The following ACYP2 variants were observed in gnomAD, a reference collection of about 807,000 sequenced individuals.
ACYP2 encodes acylphosphatase-2.
Under a neutral mutation model 11.2 loss-of-function variants are expected in ACYP2, and 12 were observed. The observed-to-expected ratio is 1.08, with a 90% CI of 0.69 to 1.74. ACYP2 has a LOEUF of 1.74. ACYP2 is among the 40% of genes most tolerant of loss of function. The probability of loss-of-function intolerance (pLI) is 0.00; values close to 1 mark genes in which losing one functional copy is unlikely to be tolerated. For missense variants in ACYP2, 134 were observed against 101.9 expected, an observed-to-expected ratio of 1.31 and a Z score of -1.35; for synonymous variants, 43 against 32.2, an observed-to-expected ratio of 1.33 and a Z score of -1.13.
intron 4 of ACYP2, among the ~76,000 whole-genome samples, chr2:54,103,413 C>A (rs1461682374): frequency 4.6e-5 from 7 of 152,142 alleles, no homozygotes; most frequent in African/African-American, 1.7e-4. Flanking sequence ...AACATCTTAA[C>A]CTTGGTCTTA....
chr2:53,973,797 G>C lies in ACYP2; in HGVS notation c.49G>C (p.Glu17Gln), dbSNP rs1230330956. The change falls in exon 2 of 7, where the codon GAG becomes CAG. Residue 17 changes from glutamate (E) to glutamine (Q), a missense_variant. Glu to Gln is a conservative substitution (Grantham distance 29, BLOSUM62 2). Transcript: ENST00000607452. ...TGGTGGTCTCTTCCCACGGACGCGCGAGACAATGAGGAGGTACTTGGAATA... is the reference window on the plus strand; with the variant it reads ...TGGTGGTCTCTTCCCACGGACGCGCCAGACAATGAGGAGGTACTTGGAATA... 3.0e-6 allele frequency: 1 copy of C among 329,592 alleles called. No homozygotes were observed. The highest frequency in any genetic ancestry group is 2.2e-5 in the African/African-American group (1 of 46,452). 20.4% of individuals were successfully genotyped at this position (329,592 alleles called of 1,614,324 possible).
chr2:54,082,497 CG>C (rs1677718751), intron 4 of ACYP2: 1 of 152,202 alleles, frequency 6.6e-6, no homozygotes, highest in South Asian at 2.1e-4. Flanking sequence ...GTCCCTGCCT[CG>C]GCCTCCCAAA....
Position 54,177,044 on chromosome 2 carries a change from A to G in ACYP2, c.404+38296A>G, listed in dbSNP as rs189934025. On this transcript the variant is annotated intron_variant, in intron 6 of 6. Coordinates refer to ENST00000607452, the MANE Select transcript of ACYP2 (RefSeq NM_001320586.2). ...TGTGCTAGGGAACCTGACCTATGACATATACAGATTTAGAGATTTGGGATT... is the reference window on the plus strand; with the variant it reads ...TGTGCTAGGGAACCTGACCTATGACGTATACAGATTTAGAGATTTGGGATT... 6.6e-5 allele frequency among the ~76,000 whole-genome samples: 10 copies of G among 152,298 alleles called. No individual in the cohort carries two copies. The East Asian group carries it at 1.5e-3, about 23-fold the overall frequency.
At chr2:54,130,368 G>A (rs1477183930) in intron 4 of ACYP2, among the ~76,000 whole-genome samples, 1 of 152,170 alleles carries the variant, frequency 6.6e-6, no homozygotes, top group African/African-American at 2.4e-5. Context: ...AATGGGGTGA[G>A]TAAAGAGGAG....
intron 4 of ACYP2, among the ~76,000 whole-genome samples, chr2:54,121,137 A>C (rs1421354664): frequency 2.0e-5 from 3 of 152,208 alleles, no homozygotes; most frequent in African/African-American, 4.8e-5. Flanking sequence ...GACACTGGAG[A>C]GTGAACAAGG....
chr2:53,977,868 C>CT (rs1332038540), intron 2 of ACYP2, among the ~76,000 whole-genome samples: 2 of 152,010 alleles, frequency 1.3e-5, no homozygotes, highest in African/African-American at 4.8e-5. Flanking sequence ...TGGAGATTTC[C>CT]TTTTTTTGTG....
chr2:54,123,505 T>C lies in ACYP2; in HGVS notation c.278-11948T>C. 7.5e-6 allele frequency: 3 copies of C among 398,412 alleles called. No homozygotes were observed. In the East Asian group the frequency reaches 1.1e-4, roughly 14 times the overall value. 24.7% of individuals were successfully genotyped at this position (398,412 alleles called of 1,614,324 possible). On this transcript the variant is annotated intron_variant, in intron 4 of 6. Coordinates refer to ENST00000607452, the MANE Select transcript of ACYP2 (RefSeq NM_001320586.2). Reference sequence around the variant, plus strand: ...GAGATATAATTTACATAACACTAAATATACAGTAGTTTTTAGTATATTCAC... The same window carrying C: ...GAGATATAATTTACATAACACTAAACATACAGTAGTTTTTAGTATATTCAC...
At chr2:54,019,280 C>G (rs1237968153) in intron 2 of ACYP2, among the ~76,000 whole-genome samples, 1 of 152,026 alleles carries the variant, frequency 6.6e-6, no homozygotes, top group Non-Finnish European at 1.5e-5. Context: ...CTATGTCACC[C>G]AGGCTGGTCT....
chr2:54,284,065 C>T (rs995012440), intron 6 of ACYP2, among the ~76,000 whole-genome samples: 4 of 152,164 alleles, frequency 2.6e-5, no homozygotes, highest in Admixed American at 6.5e-5. Context: ...GAGCCGAGAT[C>T]GTGCCACTGC....
chr2:54,161,343 C>A (rs1293322428), intron 6 of ACYP2, among the ~76,000 whole-genome samples: 1 of 152,192 alleles, frequency 6.6e-6, no homozygotes, highest in African/African-American at 2.4e-5. Context: ...CAAATTATTT[C>A]CAATGATCTC....
chr2:54,130,872 G>A (rs1680861256), intron 4 of ACYP2, among the ~76,000 whole-genome samples: 1 of 152,130 alleles, frequency 6.6e-6, no homozygotes, highest in African/African-American at 2.4e-5. Context: ...CATCATTGAA[G>A]TCTCAGCTCT....
intron 6 of ACYP2, among the ~76,000 whole-genome samples, chr2:54,168,642 T>C (rs1683106838): frequency 6.6e-6 from 1 of 152,080 alleles, no homozygotes; most frequent in African/African-American, 2.4e-5. Flanking sequence ...TTGTTATATA[T>C]CAGCTGAGTT....
Position 54,051,014 on chromosome 2 carries a change from C to CGAGG in ACYP2, c.119_120insGAGG (p.Ser41ArgfsTer15). The CGAGG allele has an allele frequency of 2.2e-6, 1 of 456,670 alleles. No individual in the cohort carries two copies. Among genetic ancestry groups the CGAGG allele is most frequent in the Non-Finnish European group, 3.8e-6 (1 of 261,374 alleles). 28.3% of individuals were successfully genotyped at this position (456,670 alleles called of 1,614,324 possible). A position where few individuals can be genotyped will look rare whatever the true frequency, so the allele number is the denominator to read the frequency against. On this transcript the variant is annotated frameshift_variant, in exon 3 of 7. Coordinates refer to ENST00000607452, the MANE Select transcript of ACYP2 (RefSeq NM_001320586.2). LOFTEE classifies it high-confidence loss of function. Reference sequence around the variant, plus strand: ...TCTAGAACTCCTAATGTCAAGCTATCCTCCTGCCTCGGCCTCCCATGCTGT... The same window carrying CGAGG: ...TCTAGAACTCCTAATGTCAAGCTATCGAGGCTCCTGCCTCGGCCTCCCATGCTGT...
chr2:53,992,383 C>G (rs1355747691), intron 2 of ACYP2, among the ~76,000 whole-genome samples: 1 of 152,146 alleles, frequency 6.6e-6, no homozygotes, highest in Non-Finnish European at 1.5e-5. Flanking sequence ...TTCAAAAGAT[C>G]TCTCCTGACT....
intron 2 of ACYP2, among the ~76,000 whole-genome samples, chr2:54,018,746 TTTTAA>T (rs1190149876): frequency 1.3e-5 from 2 of 152,158 alleles, no homozygotes; most frequent in African/African-American, 4.8e-5. Flanking sequence ...ATCTGGGTAC[TTTTAA>T]TTTATTTCCT....
intron 4 of ACYP2, among the ~76,000 whole-genome samples, chr2:54,109,721 T>C (rs1041479023): frequency 6.6e-6 from 1 of 152,178 alleles, no homozygotes; most frequent in African/African-American, 2.4e-5. Context: ...AATTTTAGAA[T>C]AGTTGTTGAT....
intron 6 of ACYP2, chr2:54,166,883 A>T (rs899997728): frequency 1.6e-4 from 24 of 152,240 alleles, no homozygotes; most frequent in African/African-American, 5.5e-4. Flanking sequence ...CCAGGAGGGC[A>T]GCAGGCAGGC....
chr2:53,971,954 G>C (rs1034167460), intron 1 of ACYP2, among the ~76,000 whole-genome samples: 2 of 152,236 alleles, frequency 1.3e-5, no homozygotes, highest in Admixed American at 6.5e-5. Flanking sequence ...CTTTATCCTA[G>C]AGACAAACTT....
chr2:53,995,920 A>G (rs1281064487), intron 2 of ACYP2, among the ~76,000 whole-genome samples: 1 of 151,970 alleles, frequency 6.6e-6, no homozygotes, highest in African/African-American at 2.4e-5. Context: ...ATCACCTGAA[A>G]TCAGGAGTTT....
Sources: allele counts gnomAD v4.1 joint callset (sites outside exome capture counted in the v4.1 genomes callset), GRCh38; gene constraint gnomAD v4.1.1; transcripts MANE v1.5; gene names NCBI Gene and HGNC (gene_info 2026-07-23, HGNC 2026-07-21).